ABI1: variants seen among roughly 807,000 people sequenced by gnomAD.
ABI1 encodes Abelson interactor 1.
In ABI1, 14 loss-of-function variants were observed where a neutral mutation model predicts 54.6. The observed-to-expected ratio is 0.26, with a 90% CI of 0.17 to 0.40. ABI1 has a LOEUF of 0.40. Among genes scored for constraint, ABI1 ranks in the 10% least tolerant of loss-of-function variants. ABI1 has a pLI of 1.00. For synonymous variants in ABI1, 194 were observed against 209.3 expected (o/e 0.93, Z 0.63); for missense variants, 443 against 598.3 (o/e 0.74, Z 2.71).
chr10:26,836,610 C>T (rs992955434), intron 1 of ABI1, among the ~76,000 whole-genome samples: 1 of 152,124 alleles, frequency 6.6e-6, no homozygotes, highest in African/African-American at 2.4e-5. Context: ...TCCACAATAG[C>T]CGCGTAACAT....
intron 1 of ABI1, chr10:26,839,923 G>T (rs1052610307): frequency 3.4e-6 from 2 of 590,522 alleles, no homozygotes; most frequent in Admixed American, 5.4e-5. Context: ...CCAGGACTTT[G>T]GGACCACAGT....
chr10:26,845,674 C>T (rs559803742), intron 1 of ABI1, among the ~76,000 whole-genome samples: 1 of 152,102 alleles, frequency 6.6e-6, no homozygotes, highest in African/African-American at 2.4e-5. Flanking sequence ...AGACATCATA[C>T]CACCACATCA....
intron 4 of ABI1, among the ~76,000 whole-genome samples, chr10:26,770,833 C>T (rs1840599739): frequency 6.6e-6 from 1 of 152,084 alleles, no homozygotes; most frequent in South Asian, 2.1e-4. Context: ...ATGAGCAAAG[C>T]AATAAATGTT....
intron 2 of ABI1, among the ~76,000 whole-genome samples, chr10:26,800,193 G>A (rs1265168914): frequency 6.6e-6 from 1 of 151,912 alleles, no homozygotes; most frequent in East Asian, 1.9e-4. Flanking sequence ...AGACCAGCCT[G>A]GCCAACATGG....
intron 1 of ABI1, among the ~76,000 whole-genome samples, chr10:26,852,276 T>TC (rs1248589386): frequency 2.0e-5 from 3 of 152,082 alleles, no homozygotes; most frequent in African/African-American, 7.2e-5. Context: ...GGTTGGGAGT[T>TC]CGAGACCAGC....
At chr10:26,773,872 A>C (rs1841052698) in intron 3 of ABI1, among the ~76,000 whole-genome samples, 1 of 152,210 alleles carries the variant, frequency 6.6e-6, no homozygotes, top group Non-Finnish European at 1.5e-5. Flanking sequence ...CGATTCATGA[A>C]TCACTGTAAA....
intron 2 of ABI1, among the ~76,000 whole-genome samples, chr10:26,821,737 T>C (rs1361739231): frequency 6.7e-6 from 1 of 148,654 alleles, no homozygotes; most frequent in Non-Finnish European, 1.5e-5. Context: ...AGGCGAAGGA[T>C]GCAGAGAGCC....
intron 2 of ABI1, among the ~76,000 whole-genome samples, chr10:26,793,078 TATAGG>T (rs1305180890): frequency 6.6e-6 from 1 of 152,218 alleles, no homozygotes; most frequent in Non-Finnish European, 1.5e-5. Context: ...GGAAGGGCAT[TATAGG>T]TTTTAAGCAA....
At chr10:26,755,562 A>G (rs1588752435) in intron 9 of ABI1, 93 bp downstream of exon 9, 8 of 996,634 alleles carry the variant, frequency 8.0e-6, no homozygotes, top group Non-Finnish European at 1.2e-5. Context: ...TAGCTTCTCA[A>G]TAAAAGTAAG....
At chr10:26,818,846 C>T (rs565835830) in intron 2 of ABI1, among the ~76,000 whole-genome samples, 68 of 151,936 alleles carry the variant, frequency 4.5e-4, no homozygotes, top group African/African-American at 1.4e-3. Flanking sequence ...AAAAATTAGC[C>T]GGGCATGGTG....
chr10:26,842,569 C>T (rs1348397085), intron 1 of ABI1, among the ~76,000 whole-genome samples: 1 of 152,158 alleles, frequency 6.6e-6, no homozygotes, highest in African/African-American at 2.4e-5. Context: ...CTAACCCTCT[C>T]CCCCTAAAAA....
intron 2 of ABI1, among the ~76,000 whole-genome samples, chr10:26,806,293 C>G (rs1649273039): frequency 6.6e-6 from 1 of 152,232 alleles, no homozygotes; most frequent in South Asian, 2.1e-4. Context: ...AAAATACTTT[C>G]ATGGGATTTG....
At chr10:26,770,565 G>C in intron 4 of ABI1, 1 of 711,824 alleles carries the variant, frequency 1.4e-6, no homozygotes, top group Non-Finnish European at 2.6e-6. Context: ...CCAAATACAG[G>C]TGAGATGACT....
At chr10:26,753,148 A>T (rs1239967419) in intron 9 of ABI1, among the ~76,000 whole-genome samples, 1 of 152,154 alleles carries the variant, frequency 6.6e-6, no homozygotes, top group Non-Finnish European at 1.5e-5. Flanking sequence ...CAATGCTGTG[A>T]TTTCTATTTT....
chr10:26,858,410 AAAGGC>A (rs1008710758), intron 1 of ABI1, among the ~76,000 whole-genome samples: 2 of 151,826 alleles, frequency 1.3e-5, no homozygotes, highest in Admixed American at 1.3e-4. Context: ...CCCAACGTAT[AAAGGC>A]TACTAAGGTA....
At chr10:26,785,931 C>A (rs1312508672) in intron 2 of ABI1, among the ~76,000 whole-genome samples, 1 of 152,106 alleles carries the variant, frequency 6.6e-6, no homozygotes, top group Non-Finnish European at 1.5e-5. Context: ...GGCAAACTGG[C>A]ACAAATGCTA....
intron 10 of ABI1, among the ~76,000 whole-genome samples, chr10:26,750,557 G>A (rs1223004423): frequency 6.6e-6 from 1 of 152,176 alleles, no homozygotes; most frequent in African/African-American, 2.4e-5. Context: ...AACTTGGGCA[G>A]GAAAGAATGC....
chr10:26,755,383 T>C (rs1838170178), intron 9 of ABI1, among the ~76,000 whole-genome samples: 1 of 152,234 alleles, frequency 6.6e-6, no homozygotes, highest in African/African-American at 2.4e-5. Flanking sequence ...TTGATTATTC[T>C]TTCCTTAAGA....
At chr10:26,798,506 C>G (rs1401223602) in intron 2 of ABI1, among the ~76,000 whole-genome samples, 1 of 152,000 alleles carries the variant, frequency 6.6e-6, no homozygotes, top group Admixed American at 6.6e-5. Context: ...AGATGCTCCC[C>G]TAGTGCTTCT....
Sources: gnomAD v4.1 joint callset for allele counts (sites outside exome capture counted in the v4.1 genomes callset) on GRCh38, gnomAD v4.1.1 for gene constraint, MANE v1.5 for transcripts, NCBI Gene and HGNC (gene_info 2026-07-23, HGNC 2026-07-21) for gene names.